Variants in HIGD2B observed in about 807,000 individuals in gnomAD.
The protein encoded by HIGD2B is HIG1 hypoxia inducible domain family member 2B.
For missense variants in HIGD2B, 106 were observed against 67.0 expected, an observed-to-expected ratio of 1.58 and a Z score of -2.03; for synonymous variants, 45 against 28.1, an observed-to-expected ratio of 1.60 and a Z score of -1.90.
At chr15:72,676,490 T>C in intron 2 of HIGD2B, 103 bp from the exon 3 acceptor site, 1 of 599,874 alleles carries the variant, frequency 1.7e-6, no homozygotes, top group East Asian at 2.8e-5. Flanking sequence ...CTGAAACCTC[T>C]GCCTCCCTGG....
chr15:72,677,070 A>G (rs1305111547), intron 2 of HIGD2B, among the ~76,000 whole-genome samples: 2 of 152,342 alleles, frequency 1.3e-5, no homozygotes, highest in East Asian at 3.8e-4. Context: ...AACTGTAGAA[A>G]GGGTATATGT....
chr15:72,676,317 T>C lies in HIGD2B; in HGVS notation c.58A>G (p.Ile20Val). 2.6e-6 allele frequency: 2 copies of C among 761,014 alleles called. No homozygotes were observed. Among genetic ancestry groups the C allele is most frequent in the Non-Finnish European group, 4.8e-6 (2 of 415,192 alleles). The allele number at this position is 761,014 out of a possible 1,614,324, so 47.1% of individuals were successfully genotyped here. Residue 20 changes from isoleucine (I) to valine (V), a missense_variant, in exon 3 of 3, where the codon ATC (isoleucine) becomes GTC (valine). By Grantham distance (29) the Ile-to-Val change is conservative (BLOSUM62 3). Coordinates refer to ENST00000311755, the MANE Select transcript of HIGD2B (RefSeq NM_001350932.3). ...ACAGTGGGGCTAAGCCCCTCAAAGATGGGGGGCTTCGATGATTCAAAGGGG... is the reference window on the plus strand; with the variant it reads ...ACAGTGGGGCTAAGCCCCTCAAAGACGGGGGGCTTCGATGATTCAAAGGGG... ...EAPFESSKPP[I>V]FEGLSPTVYS...
Position 72,686,146 on chromosome 15 carries a change from C to G in HIGD2B, c.-521G>C, listed in dbSNP as rs1471743283. 1 of 1,424,554 alleles carries G rather than the reference C, an allele frequency of 7.0e-7. No homozygotes were observed. Among genetic ancestry groups the G allele is most frequent in the African/African-American group, 1.4e-5 (1 of 70,654 alleles). The allele number at this position is 1,424,554 out of a possible 1,614,324, so 88.2% of individuals were successfully genotyped here. A position where few individuals can be genotyped will look rare whatever the true frequency, so the allele number is the denominator to read the frequency against. On this transcript the variant is annotated 5_prime_UTR_variant, in exon 1 of 3. Coordinates refer to ENST00000311755, the MANE Select transcript of HIGD2B (RefSeq NM_001350932.3). ...TTCCTTCCCCCGCTTCCTCACAGTCCTCCACAGCCCTACGACTTCCGCTTG... is the reference window on the plus strand; with the variant it reads ...TTCCTTCCCCCGCTTCCTCACAGTCGTCCACAGCCCTACGACTTCCGCTTG...
chr15:72,676,861 G>C (rs1421734587), intron 2 of HIGD2B, among the ~76,000 whole-genome samples: 1 of 152,160 alleles, frequency 6.6e-6, no homozygotes, highest in African/African-American at 2.4e-5. Flanking sequence ...TGACAGGGAG[G>C]CTTATGGTGA....
intron 2 of HIGD2B, among the ~76,000 whole-genome samples, chr15:72,676,749 C>T (rs1180648140): frequency 6.6e-6 from 1 of 151,970 alleles, no homozygotes; most frequent in Non-Finnish European, 1.5e-5. Flanking sequence ...GATATAACAA[C>T]TTGGAAAGGA....
At chr15:72,677,075 A>G (rs2064700389) in intron 2 of HIGD2B, among the ~76,000 whole-genome samples, 1 of 152,228 alleles carries the variant, frequency 6.6e-6, no homozygotes, top group African/African-American at 2.4e-5. Context: ...TAGAAAGGGT[A>G]TATGTGATCT....
chr15:72,684,912 T>C (rs1567387487), intron 1 of HIGD2B, among the ~76,000 whole-genome samples: 1 of 152,116 alleles, frequency 6.6e-6, no homozygotes, highest in Non-Finnish European at 1.5e-5. Flanking sequence ...GCCTCCCGAG[T>C]AGCTGCGATT....
At chr15:72,679,984 C>T (rs1456335717) in intron 2 of HIGD2B, 31 bp downstream of exon 2, 2 of 302,060 alleles carry the variant, frequency 6.6e-6, no homozygotes, top group Non-Finnish European at 1.2e-5. Context: ...ATCCTGGTAA[C>T]CAACTGCTGG....
rs773819620 is a variant in HIGD2B at position 72,686,130 on chromosome 15, C to T, written c.-505G>A. The T allele has an allele frequency of 1.5e-6, 2 of 1,296,854 alleles. No homozygotes were observed. The highest frequency in any genetic ancestry group is 1.3e-5 in the South Asian group (1 of 79,088). The allele number at this position is 1,296,854 out of a possible 1,614,324, so 80.3% of individuals were successfully genotyped here. A position where few individuals can be genotyped will look rare whatever the true frequency, so the allele number is the denominator to read the frequency against. On this transcript the variant is annotated 5_prime_UTR_variant, in exon 1 of 3. Transcript: ENST00000311755. Reference sequence around the variant, plus strand: ...TCACTCGGCGATTTACTTCCTTCCCCCGCTTCCTCACAGTCCTCCACAGCC... The same window carrying T: ...TCACTCGGCGATTTACTTCCTTCCCTCGCTTCCTCACAGTCCTCCACAGCC...
At chr15:72,685,255 C>T (rs577993943) in intron 1 of HIGD2B, among the ~76,000 whole-genome samples, 2 of 152,198 alleles carry the variant, frequency 1.3e-5, no homozygotes, top group East Asian at 3.9e-4. Flanking sequence ...AATGCTTTCC[C>T]AGTTAATGAA....
intron 2 of HIGD2B, among the ~76,000 whole-genome samples, chr15:72,677,374 T>C (rs2054255180): frequency 6.6e-6 from 1 of 152,042 alleles, no homozygotes; most frequent in Non-Finnish European, 1.5e-5. Context: ...TGCAGTGAGC[T>C]GAGATCACAC....
chr15:72,681,327 G>A (rs992348773), intron 1 of HIGD2B, among the ~76,000 whole-genome samples: 6 of 152,284 alleles, frequency 3.9e-5, no homozygotes, highest in Admixed American at 2.0e-4. Context: ...CTTTGGAGGC[G>A]TAGAGTCAGA....
At chr15:72,685,143 T>TTC (rs1333794889) in intron 1 of HIGD2B, among the ~76,000 whole-genome samples, 1 of 152,222 alleles carries the variant, frequency 6.6e-6, no homozygotes, top group Admixed American at 6.5e-5. Context: ...TTGCTGTCCT[T>TTC]TCCCCTTGTA....
chr15:72,685,601 C>T (rs2064812028), intron 1 of HIGD2B, among the ~76,000 whole-genome samples: 1 of 152,240 alleles, frequency 6.6e-6, no homozygotes, highest in Non-Finnish European at 1.5e-5. Context: ...AGATCTATTT[C>T]ACTGCCTTGC....
chr15:72,679,307 G>A (rs1345363128), intron 2 of HIGD2B, among the ~76,000 whole-genome samples: 1 of 148,720 alleles, frequency 6.7e-6, no homozygotes, highest in Non-Finnish European at 1.5e-5. Context: ...AGAGGTTGCA[G>A]TGAGCTGAGA....
At position 72,686,124 on chromosome 15, in the gene HIGD2B, C is replaced by A; in HGVS notation, c.-499G>T. 1 of 1,240,608 alleles carries A rather than the reference C, an allele frequency of 8.1e-7. No homozygotes were observed. The highest frequency in any genetic ancestry group is 1.1e-6 in the Non-Finnish European group (1 of 875,560). The allele number at this position is 1,240,608 out of a possible 1,614,324, so 76.9% of individuals were successfully genotyped here. On this transcript the variant is annotated 5_prime_UTR_variant, in exon 1 of 3. In the 5' UTR this introduces an upstream ATG that the reference lacks. Coordinates refer to ENST00000311755, the MANE Select transcript of HIGD2B (RefSeq NM_001350932.3). ...CTTAGGTCACTCGGCGATTTACTTC[C>A]TTCCCCCGCTTCCTCACAGTCCTCC...
intron 2 of HIGD2B, among the ~76,000 whole-genome samples, chr15:72,677,955 T>A (rs2064710499): frequency 1.3e-5 from 2 of 152,196 alleles, no homozygotes; most frequent in African/African-American, 2.4e-5. Flanking sequence ...GATTGACTTC[T>A]TTCTCAAGTG....
intron 2 of HIGD2B, among the ~76,000 whole-genome samples, chr15:72,679,141 A>G (rs1211533763): frequency 1.3e-5 from 2 of 152,032 alleles, no homozygotes; most frequent in Admixed American, 1.3e-4. Context: ...AGGTGGGCAG[A>G]TCACCTAAAA....
At chr15:72,676,449 G>C in intron 2 of HIGD2B, 62 bp from the exon 3 acceptor site, 1 of 623,654 alleles carries the variant, frequency 1.6e-6, no homozygotes. Context: ...CTGTAGCCCA[G>C]GCTGGAGTGC....
Sources: gnomAD v4.1 joint callset for allele counts (sites outside exome capture counted in the v4.1 genomes callset) on GRCh38, gnomAD v4.1.1 for gene constraint, MANE v1.5 for transcripts, NCBI Gene and HGNC (gene_info 2026-07-23, HGNC 2026-07-21) for gene names.